The following CUBN variants were observed in gnomAD, a reference collection of about 807,000 sequenced individuals.
CUBN encodes the protein 460 kDa receptor.
A neutral mutation model predicts 405.3 loss-of-function variants in CUBN; 282 were observed. The ratio of observed to expected loss-of-function variants is 0.70; its 90% CI spans 0.63 to 0.77. The LOEUF is 0.77. Ranked by LOEUF, CUBN falls within the 30% of genes least tolerant of loss-of-function variation. The pLI is 0.00. For missense variants in CUBN, 4,514 were observed against 4,475.2 expected (o/e 1.01, Z -0.25); for synonymous variants, 1,684 against 1,617.0 (o/e 1.04, Z -0.99).
chr10:16,977,581 A>C (rs886971163), intron 31 of CUBN, among the ~76,000 whole-genome samples: 20 of 152,130 alleles, frequency 1.3e-4, no homozygotes, highest in African/African-American at 4.8e-4. Context: ...AAACCCCTGC[A>C]TTCACCATCC....
Position 17,043,966 on chromosome 10 carries a change from A to G in CUBN, c.3690T>C (p.Ser1230=). 1 of 1,613,350 alleles carries G rather than the reference A, an allele frequency of 6.2e-7. No homozygotes were observed. The highest frequency in any genetic ancestry group is 1.3e-5 in the African/African-American group (1 of 74,970). Residue 1230 remains serine (S), a synonymous_variant, in exon 26 of 67, where the codon AGT becomes AGC. Transcript: ENST00000377833. The part of the protein sequence containing the change: ...LDYLAVYDGP[S]SNSHLLTQLC... ...GCTGAGTTAGCAGATGAGAGTTGCT[A>G]CTTGGGCCATCATATACCTTTAAGA...
chr10:16,912,497 T>A (rs1841761224), intron 48 of CUBN, among the ~76,000 whole-genome samples: 1 of 152,164 alleles, frequency 6.6e-6, no homozygotes, highest in African/African-American at 2.4e-5. Context: ...GCAGCAGGTG[T>A]GAAGTGCTGC....
At chr10:16,904,755 C>T (rs1391988608) in intron 50 of CUBN, among the ~76,000 whole-genome samples, 1 of 152,192 alleles carries the variant, frequency 6.6e-6, no homozygotes, top group Non-Finnish European at 1.5e-5. Flanking sequence ...GCCTCTAAAC[C>T]TGAGCAAATA....
intron 28 of CUBN, among the ~76,000 whole-genome samples, chr10:17,017,608 G>C (rs900518264): frequency 6.6e-6 from 1 of 152,162 alleles, no homozygotes; most frequent in East Asian, 1.9e-4. Flanking sequence ...CCATATCCTA[G>C]CTTCAGGAAT....
At chr10:17,083,873 T>C (rs1219194987) in intron 17 of CUBN, among the ~76,000 whole-genome samples, 2 of 152,056 alleles carry the variant, frequency 1.3e-5, no homozygotes, top group African/African-American at 4.8e-5. Flanking sequence ...TGTATTACAA[T>C]CATTACCCAC....
Position 17,088,364 on chromosome 10 carries a change from A to T in CUBN, c.1766-19T>A, listed in dbSNP as rs1332569706. ...CCACACTCTAAAATAAGAGGGAAAA[A>T]TAATGTTACATTTGTATAGATGCTA... On this transcript the variant is annotated intron_variant, in intron 14 of 66. Coordinates refer to ENST00000377833, the MANE Select transcript of CUBN (RefSeq NM_001081.4). 1 of 1,583,526 alleles carries T rather than the reference A, an allele frequency of 6.3e-7. No individual in the cohort carries two copies. The highest frequency in any genetic ancestry group is 1.3e-5 in the African/African-American group (1 of 74,196).
intron 28 of CUBN, among the ~76,000 whole-genome samples, chr10:17,009,261 G>A (rs896582881): frequency 6.6e-6 from 1 of 152,182 alleles, no homozygotes; most frequent in African/African-American, 2.4e-5. Flanking sequence ...ACATTTTGTT[G>A]CATAACTCTG....
At position 17,001,638 on chromosome 10, in the gene CUBN, C is replaced by T. The variant is rs539734222; in HGVS notation, c.4169-11123G>A. On this transcript the variant is annotated intron_variant, in intron 28 of 66. Transcript: ENST00000377833. ...GTTGAGTCATGTTTTAAAATGATAA[C>T]ATCAACAACAGTAATAGTGAATGAG... Among the ~76,000 whole-genome samples, 10 of 152,318 alleles carry T rather than the reference C, an allele frequency of 6.6e-5. 1 individual carries two copies. Among genetic ancestry groups the T allele is most frequent in the South Asian group, 4.1e-4 (2 of 4,822 alleles).
rs1360031526 is a variant in CUBN at position 16,824,779 on chromosome 10, C to G, written c.*196G>C. On this transcript the variant is annotated 3_prime_UTR_variant, in exon 67 of 67. Coordinates refer to ENST00000377833, the MANE Select transcript of CUBN (RefSeq NM_001081.4). Reference sequence around the variant, plus strand: ...AGGTGATCAACCTGCCTCGGCCTCCCAAAGTGCTGAGAATACAGGGGGGTG... The same window carrying G: ...AGGTGATCAACCTGCCTCGGCCTCCGAAAGTGCTGAGAATACAGGGGGGTG... 1.4e-5 allele frequency: 8 copies of G among 563,670 alleles called. No individual in the cohort carries two copies. The highest frequency in any genetic ancestry group is 6.9e-5 in the Admixed American group (3 of 43,670). 34.9% of individuals were successfully genotyped at this position (563,670 alleles called of 1,614,324 possible). A position where few individuals can be genotyped will look rare whatever the true frequency, so the allele number is the denominator to read the frequency against.
intron 51 of CUBN, among the ~76,000 whole-genome samples, chr10:16,903,623 A>T (rs910931173): frequency 2.0e-5 from 3 of 148,062 alleles, no homozygotes; most frequent in Non-Finnish European, 3.0e-5. Context: ...TTACAAAATA[A>T]TTTTAAAATT....
intron 31 of CUBN, among the ~76,000 whole-genome samples, chr10:16,970,189 G>A (rs1843512748): frequency 6.6e-6 from 1 of 152,228 alleles, no homozygotes; most frequent in African/African-American, 2.4e-5. Flanking sequence ...TGACTTCAAA[G>A]CAAGGACACT....
chr10:16,853,583 A>T (rs755880802), intron 59 of CUBN, among the ~76,000 whole-genome samples: 4 of 152,210 alleles, frequency 2.6e-5, no homozygotes, highest in Admixed American at 1.3e-4. Context: ...GTCAGGCGAA[A>T]CTATAGAGTA....
chr10:17,067,872 AAT>A (rs1452860442), intron 21 of CUBN, among the ~76,000 whole-genome samples, 190 bp downstream of exon 21: 1 of 138,312 alleles, frequency 7.2e-6, no homozygotes, highest in Non-Finnish European at 1.5e-5. Flanking sequence ...TGACTTCATG[AAT>A]ATATACAGAT....
chr10:17,021,201 G>T (rs1011415748), intron 27 of CUBN, among the ~76,000 whole-genome samples: 1 of 151,834 alleles, frequency 6.6e-6, no homozygotes, highest in Non-Finnish European at 1.5e-5. Context: ...TTCCATTGAG[G>T]TATTTATACA....
chr10:17,111,514 T>TA (rs1432601798), intron 8 of CUBN, among the ~76,000 whole-genome samples: 2 of 152,202 alleles, frequency 1.3e-5, no homozygotes, highest in African/African-American at 4.8e-5. Flanking sequence ...CTGAACACCT[T>TA]ATGACTCATC....
At chr10:17,102,326 AC>A (rs1836513239) in intron 13 of CUBN, among the ~76,000 whole-genome samples, 1 of 151,108 alleles carries the variant, frequency 6.6e-6, no homozygotes, top group South Asian at 2.1e-4. Flanking sequence ...TTGCTCTGTC[AC>A]CCAGGCTGGA....
At chr10:17,046,689 G>A (rs1280516260) in intron 23 of CUBN, among the ~76,000 whole-genome samples, 1 of 152,030 alleles carries the variant, frequency 6.6e-6, no homozygotes, top group Non-Finnish European at 1.5e-5. Context: ...TGTCATTTTA[G>A]CACGATAGGG....
At chr10:17,069,003 A>T (rs1229473182) in intron 19 of CUBN, among the ~76,000 whole-genome samples, 1 of 152,122 alleles carries the variant, frequency 6.6e-6, no homozygotes, top group Non-Finnish European at 1.5e-5. Context: ...GTCTCTGTAG[A>T]TTGCCCATTT....
chr10:16,831,351 G>T lies in CUBN; in HGVS notation c.10429C>A (p.Pro3477Thr), dbSNP rs1468596216. 1 of 1,613,772 alleles carries T rather than the reference G, an allele frequency of 6.2e-7. No individual in the cohort carries two copies. Among genetic ancestry groups the T allele is most frequent in the Non-Finnish European group, 8.5e-7 (1 of 1,179,800 alleles). ...AGTTCATTATTTTGAGAGAAGACAG[G>T]GTTTGGCAGCAGAGTTCCACAGTAC... Reference protein sequence around the residue: ...GKYCGTLLPNPVFSQNNELYL... With the variant: ...GKYCGTLLPNTVFSQNNELYL... The change falls in exon 65 of 67, where the codon CCT becomes ACT. Residue 3477 changes from proline (P) to threonine (T), a missense_variant. Transcript: ENST00000377833.
Sources: allele counts gnomAD v4.1 joint callset (sites outside exome capture counted in the v4.1 genomes callset), GRCh38; gene constraint gnomAD v4.1.1; transcripts MANE v1.5; gene names NCBI Gene and HGNC (gene_info 2026-07-23, HGNC 2026-07-21).